DENND4A: variants seen among roughly 807,000 people sequenced by gnomAD.
DENND4A encodes C-myc promoter-binding protein.
In DENND4A, 70 loss-of-function variants were observed where a neutral mutation model predicts 199.3. That is an observed-to-expected ratio of 0.35 (90% CI 0.29 to 0.43). The LOEUF is 0.43. Among genes scored for constraint, DENND4A ranks in the 20% least tolerant of loss-of-function variants. The pLI is 1.00. For synonymous variants in DENND4A, 686 were observed against 766.9 expected (o/e 0.89, Z 1.74); for missense variants, 1,723 against 2,255.8 (o/e 0.76, Z 4.78).
At chr15:65,762,341 A>C (rs1222836884) in intron 1 of DENND4A, among the ~76,000 whole-genome samples, 1 of 151,856 alleles carries the variant, frequency 6.6e-6, no homozygotes, top group Admixed American at 6.6e-5. Context: ...TAAAAATAAC[A>C]GACTGGGCTC....
chr15:65,679,933 C>T (rs907421315), intron 23 of DENND4A, among the ~76,000 whole-genome samples: 1 of 152,112 alleles, frequency 6.6e-6, no homozygotes, highest in Non-Finnish European at 1.5e-5. Context: ...CTTAAAAAAA[C>T]TCTGGGCTAA....
At chr15:65,705,483 T>C (rs140711409) in intron 15 of DENND4A, among the ~76,000 whole-genome samples, 3 of 152,316 alleles carry the variant, frequency 2.0e-5, no homozygotes, top group Non-Finnish European at 4.4e-5. Context: ...CTCAGGACTT[T>C]TCTCTCTTCT....
chr15:65,696,241 A>G, intron 22 of DENND4A, 125 bp downstream of exon 22: 4 of 1,212,316 alleles, frequency 3.3e-6, no homozygotes, highest in Non-Finnish European at 4.4e-6. Context: ...CTATGCCATG[A>G]GAGGCTGCAC....
At chr15:65,736,510 C>A (rs931710964) in intron 7 of DENND4A, among the ~76,000 whole-genome samples, 1 of 151,756 alleles carries the variant, frequency 6.6e-6, no homozygotes, top group Non-Finnish European at 1.5e-5. Context: ...AGGTGATTCA[C>A]CTGCCTCAGC....
chr15:65,687,151 T>C (rs1292099395), intron 23 of DENND4A, among the ~76,000 whole-genome samples: 2 of 152,242 alleles, frequency 1.3e-5, no homozygotes, highest in Non-Finnish European at 2.9e-5. Context: ...TATTGGCTTT[T>C]TGGCTACATC....
At chr15:65,767,603 T>C (rs1038317634) in intron 1 of DENND4A, among the ~76,000 whole-genome samples, 1 of 152,078 alleles carries the variant, frequency 6.6e-6, no homozygotes, top group African/African-American at 2.4e-5. Flanking sequence ...CCACCTGTAA[T>C]CCAACCAGGA....
In DENND4A at chr15:65,779,084, C is replaced by T. The variant is rs73473613; in HGVS notation, c.-102+12926G>A. ...TTTGAGGCCAACCTGGGAAATATGG[C>T]GAGACCACATGTCTAGAATAAATAA... On this transcript the variant is annotated intron_variant, in intron 1 of 32. Coordinates refer to ENST00000443035, the MANE Select transcript of DENND4A (RefSeq NM_001320835.1). Among the ~76,000 whole-genome samples the T allele has an allele frequency of 3.7e-3, 563 of 151,592 alleles. 2 individuals carry two copies. The highest frequency in any genetic ancestry group is 0.013 in the African/African-American group (543 of 41,286).
intron 1 of DENND4A, among the ~76,000 whole-genome samples, chr15:65,788,938 G>C (rs1046870748): frequency 1.3e-5 from 2 of 149,764 alleles, no homozygotes; most frequent in Non-Finnish European, 3.0e-5. Context: ...CCCATAATCC[G>C]ATCACCCAGG....
intron 21 of DENND4A, chr15:65,696,808 C>T (rs1355490986): frequency 1.5e-5 from 4 of 275,308 alleles, no homozygotes; most frequent in African/African-American, 2.2e-5. Context: ...ATCCATTAAA[C>T]AAACTTTTTT....
intron 12 of DENND4A, among the ~76,000 whole-genome samples, chr15:65,720,947 T>TAA: frequency 1.3e-5 from 1 of 76,268 alleles, no homozygotes; most frequent in Non-Finnish European, 2.7e-5. Flanking sequence ...GTTTCATTGA[T>TAA]TATATATATA....
At chr15:65,664,893 T>A in intron 30 of DENND4A, 171 bp from the exon 31 acceptor site, 6 of 587,516 alleles carry the variant, frequency 1.0e-5, no homozygotes, top group East Asian at 3.0e-5. Flanking sequence ...AGACAAATAA[T>A]GACAAAAAAA....
chr15:65,760,357 G>A (rs1390234780), intron 2 of DENND4A, among the ~76,000 whole-genome samples: 3 of 152,008 alleles, frequency 2.0e-5, no homozygotes, highest in African/African-American at 7.2e-5. Context: ...AATTAGCGGG[G>A]CATGGTGGCG....
intron 1 of DENND4A, among the ~76,000 whole-genome samples, chr15:65,784,165 A>G (rs962889754): frequency 6.6e-6 from 1 of 152,190 alleles, no homozygotes; most frequent in African/African-American, 2.4e-5. Flanking sequence ...ACTGAGGGAC[A>G]TTCTACAAAA....
chr15:65,791,616 T>C (rs559339202), intron 1 of DENND4A, among the ~76,000 whole-genome samples: 7 of 151,998 alleles, frequency 4.6e-5, no homozygotes, highest in African/African-American at 1.7e-4. Flanking sequence ...CTGTCTCAGA[T>C]ACCGAGCAGG....
chr15:65,704,328 A>C (rs1325975089), intron 15 of DENND4A, among the ~76,000 whole-genome samples: 1 of 152,116 alleles, frequency 6.6e-6, no homozygotes, highest in Non-Finnish European at 1.5e-5. Context: ...GAAGAAAAAA[A>C]CCGACAGATT....
Position 65,660,053 on chromosome 15 carries a change from C to A in DENND4A, c.*1798G>T. 2.2e-6 allele frequency: 1 copy of A among 453,824 alleles called. No individual in the cohort carries two copies. Among genetic ancestry groups the A allele is most frequent in the East Asian group, 3.5e-5 (1 of 28,368 alleles). The allele number at this position is 453,824 out of a possible 1,614,324, so 28.1% of individuals were successfully genotyped here. A position where few individuals can be genotyped will look rare whatever the true frequency, so the allele number is the denominator to read the frequency against. ...TTTATCACCAGTGCCAAAAGCCTCC[C>A]CCCTCTGAAATGTTTCTCTCAGTTG... On this transcript the variant is annotated 3_prime_UTR_variant, in exon 33 of 33. Transcript: ENST00000443035.
intron 4 of DENND4A, among the ~76,000 whole-genome samples, chr15:65,750,087 C>T (rs967783658): frequency 6.6e-6 from 1 of 151,256 alleles, no homozygotes; most frequent in Non-Finnish European, 1.5e-5. Flanking sequence ...AAACTGATAA[C>T]GATAGAAAAA....
At chr15:65,700,523 T>C (rs1410061310) in intron 20 of DENND4A, 21 bp downstream of exon 20, 3 of 1,356,278 alleles carry the variant, frequency 2.2e-6, no homozygotes, top group Non-Finnish European at 2.9e-6. Context: ...ATAATAAATG[T>C]ATACATAAGC....
intron 22 of DENND4A, among the ~76,000 whole-genome samples, chr15:65,692,476 T>C (rs375996996): frequency 6.6e-6 from 1 of 152,172 alleles, no homozygotes; most frequent in East Asian, 1.9e-4. Context: ...TCTTACATGC[T>C]TTATGCACAG....
Sources: allele counts gnomAD v4.1 joint callset (sites outside exome capture counted in the v4.1 genomes callset), GRCh38; gene constraint gnomAD v4.1.1; transcripts MANE v1.5; gene names NCBI Gene and HGNC (gene_info 2026-07-23, HGNC 2026-07-21).